The following SLC39A11 variants were observed in gnomAD, a reference collection of about 807,000 sequenced individuals.
SLC39A11 encodes zinc transporter ZIP11.
Under a neutral mutation model 36.1 loss-of-function variants are expected in SLC39A11, and 33 were observed. The ratio of observed to expected loss-of-function variants is 0.91; its 90% CI spans 0.69 to 1.22. SLC39A11 has a LOEUF of 1.22. Among genes scored for constraint, SLC39A11 ranks in the 50% most tolerant of loss-of-function variants. The probability of loss-of-function intolerance (pLI) is 0.00; values close to 1 mark genes in which losing one functional copy is unlikely to be tolerated. For synonymous variants in SLC39A11, 166 were observed against 170.3 expected, an observed-to-expected ratio of 0.97 and a Z score of 0.20; for missense variants, 432 against 430.3, an observed-to-expected ratio of 1.00 and a Z score of -0.03.
At chr17:72,785,467 C>T (rs886735673) in intron 6 of SLC39A11, among the ~76,000 whole-genome samples, 2 of 152,202 alleles carry the variant, frequency 1.3e-5, no homozygotes, top group Admixed American at 6.5e-5. Flanking sequence ...CACGTGAAGA[C>T]ATTAGTCCTG....
intron 3 of SLC39A11, among the ~76,000 whole-genome samples, chr17:73,076,802 C>CTTT (rs76799031): frequency 1.4e-5 from 2 of 139,450 alleles, no homozygotes; most frequent in Non-Finnish European, 3.1e-5. Context: ...TTCTTTTTTT[C>CTTT]TTTTTTTTTT....
chr17:73,089,118 G>A (rs1448509769), intron 1 of SLC39A11, among the ~76,000 whole-genome samples: 2 of 152,172 alleles, frequency 1.3e-5, no homozygotes, highest in African/African-American at 2.4e-5. Context: ...GTCTGATGCA[G>A]CCTCCCCCAC....
At chr17:72,825,295 C>A (rs1334574310) in intron 6 of SLC39A11, among the ~76,000 whole-genome samples, 2 of 152,228 alleles carry the variant, frequency 1.3e-5, no homozygotes, top group Admixed American at 6.5e-5. Context: ...AAGCCATAAA[C>A]CTTGGTGGCT....
intron 6 of SLC39A11, among the ~76,000 whole-genome samples, chr17:72,743,830 A>T (rs1317744027): frequency 1.3e-5 from 2 of 152,090 alleles, no homozygotes; most frequent in Admixed American, 6.6e-5. Flanking sequence ...AAGAAACCCA[A>T]CTCATACTGT....
intron 5 of SLC39A11, among the ~76,000 whole-genome samples, chr17:72,905,842 C>T (rs964369254): frequency 1.3e-5 from 2 of 152,132 alleles, no homozygotes; most frequent in Non-Finnish European, 2.9e-5. Flanking sequence ...CAAGCTCCGC[C>T]TCCCGGGTTC....
At chr17:72,767,517 A>G (rs768184166) in intron 6 of SLC39A11, among the ~76,000 whole-genome samples, 1 of 152,212 alleles carries the variant, frequency 6.6e-6, no homozygotes, top group Non-Finnish European at 1.5e-5. Context: ...ACAGAATTTC[A>G]TGTCAGGTGG....
intron 3 of SLC39A11, among the ~76,000 whole-genome samples, chr17:73,057,732 G>A (rs576687378): frequency 6.6e-6 from 1 of 152,314 alleles, no homozygotes; most frequent in South Asian, 2.1e-4. Flanking sequence ...GAGGTCAGGA[G>A]TACGAGACCA....
At chr17:72,938,286 G>T (rs1275880321) in intron 5 of SLC39A11, among the ~76,000 whole-genome samples, 1 of 152,094 alleles carries the variant, frequency 6.6e-6, no homozygotes, top group African/African-American at 2.4e-5. Flanking sequence ...TTTCTTTAGG[G>T]AAGTGTTACA....
At chr17:72,885,689 C>T (rs543707149) in intron 5 of SLC39A11, among the ~76,000 whole-genome samples, 2 of 152,208 alleles carry the variant, frequency 1.3e-5, no homozygotes, top group East Asian at 3.9e-4. Context: ...ACCACTGGCA[C>T]CTCTGTGCCA....
At chr17:72,872,454 G>C (rs746504141) in intron 5 of SLC39A11, among the ~76,000 whole-genome samples, 202 of 152,178 alleles carry the variant, frequency 1.3e-3, no homozygotes, top group Non-Finnish European at 2.2e-3. Flanking sequence ...CTGGTCTCTC[G>C]AAATAAGGAT....
At position 72,783,004 on chromosome 17, in the gene SLC39A11, C is replaced by CAAAA. The variant is rs34750819; in HGVS notation, c.602-46289_602-46286dup. On this transcript the variant is annotated intron_variant, in intron 6 of 9. Transcript: ENST00000255559. ...ATGACAGCGCAAGACTCTGTCTCAA[C>CAAAA]AAAAAAAAAAAAAAAAAAGAAAAAA... Among the ~76,000 whole-genome samples, 26 of 80,994 alleles carry CAAAA rather than the reference C, an allele frequency of 3.2e-4. 3 individuals are homozygous for CAAAA. Among genetic ancestry groups the CAAAA allele is most frequent in the Admixed American group, 1.1e-3 (8 of 6,962 alleles). The allele number at this position is 80,994 out of a possible 152,430, so 53.1% of individuals were successfully genotyped here.
At chr17:72,704,485 A>C (rs1217197924) in intron 7 of SLC39A11, among the ~76,000 whole-genome samples, 1 of 151,352 alleles carries the variant, frequency 6.6e-6, no homozygotes, top group Non-Finnish European at 1.5e-5. Context: ...AAGGAATAAC[A>C]GTAAAGATGA....
intron 5 of SLC39A11, among the ~76,000 whole-genome samples, chr17:72,911,830 G>T (rs998301836): frequency 2.6e-5 from 4 of 152,158 alleles, no homozygotes; most frequent in Non-Finnish European, 4.4e-5. Context: ...TTTTAGTAGA[G>T]ATGGGGTTTC....
rs1567994566 is a variant in SLC39A11 at position 72,729,428 on chromosome 17, TATATATATATATATA to T, written c.671+7207_671+7221del. ...ATTTATATATATATATATATATATA[TATATATATATATATA>T]TATATATATATATATTTTTTTTTTT... On this transcript the variant is annotated intron_variant, in intron 7 of 9. Transcript: ENST00000255559. Among the ~76,000 whole-genome samples the T allele has an allele frequency of 4.5e-3, 24 of 5,282 alleles. 2 individuals are homozygous for T. Among genetic ancestry groups the T allele is most frequent in the East Asian group, 8.0e-3 (2 of 250 alleles). The allele number at this position is 5,282 out of a possible 152,430, so 3.5% of individuals were successfully genotyped here. A position where few individuals can be genotyped will look rare whatever the true frequency, so the allele number is the denominator to read the frequency against.
Position 72,849,765 on chromosome 17 carries a change from G to T in SLC39A11, c.470C>A (p.Ala157Glu). The change falls in exon 6 of 10, where the codon GCG becomes GAG. Residue 157 changes from alanine (A) to glutamate (E), a missense_variant. Transcript: ENST00000255559. Reference sequence around the variant, plus strand: ...ACCCTCTGGAAGGCCAGTGGCTGCCGCCTTCTTTCTCTGATATGCCTCACC... The same window carrying T: ...ACCCTCTGGAAGGCCAGTGGCTGCCTCCTTCTTTCTCTGATATGCCTCACC... ...ENGEAYQRKKAAATGLPEGPA... is the reference protein window; with the variant it reads ...ENGEAYQRKKEAATGLPEGPA... 1 of 1,594,568 alleles carries T rather than the reference G, an allele frequency of 6.3e-7. No individual in the cohort carries two copies.
intron 6 of SLC39A11, among the ~76,000 whole-genome samples, chr17:72,787,715 G>T (rs1430982764): frequency 6.6e-6 from 1 of 152,062 alleles, no homozygotes; most frequent in African/African-American, 2.4e-5. Context: ...TTTTAAAGTA[G>T]CAAAAACCAA....
intron 5 of SLC39A11, among the ~76,000 whole-genome samples, chr17:72,934,863 A>AAAAAC (rs1249974529): frequency 6.6e-6 from 1 of 152,218 alleles, no homozygotes; most frequent in African/African-American, 2.4e-5. Flanking sequence ...CTCAAGTTTT[A>AAAAAC]AAAACAAAAC....
chr17:72,990,256 C>T (rs563135072), intron 4 of SLC39A11, among the ~76,000 whole-genome samples: 128 of 152,208 alleles, frequency 8.4e-4, no homozygotes, highest in Non-Finnish European at 1.2e-3. Context: ...CTAAGACTGC[C>T]GGGTTCAGAC....
intron 7 of SLC39A11, among the ~76,000 whole-genome samples, chr17:72,713,715 T>C (rs1270625903): frequency 6.6e-6 from 1 of 152,154 alleles, no homozygotes; most frequent in African/African-American, 2.4e-5. Context: ...ACTTACAAAA[T>C]GGTAAAACCA....
Sources: gnomAD v4.1 joint callset for allele counts (sites outside exome capture counted in the v4.1 genomes callset) on GRCh38, gnomAD v4.1.1 for gene constraint, MANE v1.5 for transcripts, NCBI Gene and HGNC (gene_info 2026-07-23, HGNC 2026-07-21) for gene names.